Variants in SPATA1 observed in about 807,000 individuals in gnomAD.
SPATA1 encodes the protein spermatogenesis associated 1.
In SPATA1, 57 loss-of-function variants were observed where a neutral mutation model predicts 59.6. The ratio of observed to expected loss-of-function variants is 0.96; its 90% CI spans 0.77 to 1.19. The LOEUF is 1.19. SPATA1 is among the 50% of genes most tolerant of loss of function. The pLI is 0.00. For synonymous variants in SPATA1, 147 were observed against 163.9 expected (o/e 0.90, Z 0.79); for missense variants, 448 against 480.7 (o/e 0.93, Z 0.64).
At position 84,532,983 on chromosome 1, in the gene SPATA1, T is replaced by C; in HGVS notation, c.659+9T>C. On this transcript the variant is annotated intron_variant, in intron 7 of 12. Transcript: ENST00000490879. ...TTTGGCACTAAAAAAAGGTAATTAGTATAGATGCTGATTCCACATGCCATA... is the reference window on the plus strand; with the variant it reads ...TTTGGCACTAAAAAAAGGTAATTAGCATAGATGCTGATTCCACATGCCATA... 2.0e-6 allele frequency: 3 copies of C among 1,510,732 alleles called. No homozygotes were observed. The highest frequency in any genetic ancestry group is 1.8e-6 in the Non-Finnish European group (2 of 1,111,582). The allele number at this position is 1,510,732 out of a possible 1,614,324, so 93.6% of individuals were successfully genotyped here. A position where few individuals can be genotyped will look rare whatever the true frequency, so the allele number is the denominator to read the frequency against.
rs529155625 is a variant in SPATA1, at chr1:84,554,094, T to C, written c.*970T>C. On this transcript the variant is annotated 3_prime_UTR_variant, in exon 13 of 13. Coordinates refer to ENST00000490879, the Ensembl canonical transcript of SPATA1. ...GAGTTGGAGACCCATCTGGACAACA[T>C]AGCGAGACCCTGTCTCTACAAAAAA... 3 of 152,142 alleles carry C rather than the reference T, an allele frequency of 2.0e-5. No homozygotes were observed. The East Asian group carries it at 5.8e-4, about 29-fold the overall frequency. The allele number at this position is 152,142 out of a possible 1,614,324, so 9.4% of individuals were successfully genotyped here.
chr1:84,554,989 CA>C (rs1229220877), downstream of SPATA1: 82 of 1,610,298 alleles, frequency 5.1e-5, no homozygotes, highest in Non-Finnish European at 6.9e-5. Context: ...AATGGTTTGA[CA>C]AAAGATGTTC....
At chr1:84,516,769 T>C (rs908888461) in intron 2 of SPATA1, among the ~76,000 whole-genome samples, 4 of 152,156 alleles carry the variant, frequency 2.6e-5, no homozygotes, top group African/African-American at 9.7e-5. Context: ...ACAACAAACA[T>C]GGTTAATGCA....
chr1:84,539,828 G>C (rs1388739122), intron 8 of SPATA1, among the ~76,000 whole-genome samples: 1 of 152,006 alleles, frequency 6.6e-6, no homozygotes, highest in Non-Finnish European at 1.5e-5. Flanking sequence ...GACTGAGAAT[G>C]GTATGTTAGA....
chr1:84,563,952 A>T, intron 4 of SPATA1: 2 of 1,096,932 alleles, frequency 1.8e-6, no homozygotes, highest in Non-Finnish European at 2.4e-6. Flanking sequence ...AAAAACACTA[A>T]TATTGTTTAA....
chr1:84,545,175 C>T (rs1684045765), intron 9 of SPATA1, among the ~76,000 whole-genome samples: 1 of 150,444 alleles, frequency 6.6e-6, no homozygotes, highest in Admixed American at 6.6e-5. Flanking sequence ...CAGTATTGCA[C>T]CACTACACTC....
chr1:84,534,145 A>C (rs1683584126), intron 8 of SPATA1, among the ~76,000 whole-genome samples: 1 of 152,102 alleles, frequency 6.6e-6, no homozygotes, highest in Non-Finnish European at 1.5e-5. Flanking sequence ...GCAGTATAGT[A>C]GTAAATTGTT....
intron 2 of SPATA1, among the ~76,000 whole-genome samples, chr1:84,519,627 C>T (rs1025537988): frequency 4.0e-5 from 6 of 151,898 alleles, no homozygotes; most frequent in African/African-American, 9.7e-5. Context: ...CAAAATGCAA[C>T]GTATAGAAAA....
intron 4 of SPATA1, among the ~76,000 whole-genome samples, chr1:84,562,039 T>C (rs1684605657): frequency 6.6e-6 from 1 of 152,214 alleles, no homozygotes; most frequent in African/African-American, 2.4e-5. Context: ...TAACAAACCA[T>C]ATCCATGAAA....
chr1:84,517,974 T>TAA (rs201502912), intron 2 of SPATA1, among the ~76,000 whole-genome samples: 9,299 of 152,086 alleles, frequency 0.061, 379 homozygotes, highest in African/African-American at 0.11. Context: ...AGGACACCAC[T>TAA]TATGAAATAT....
chr1:84,530,853 CATT>C (rs1683438233), intron 6 of SPATA1, among the ~76,000 whole-genome samples: 1 of 152,200 alleles, frequency 6.6e-6, no homozygotes, highest in Non-Finnish European at 1.5e-5. Context: ...ATGCTTCACA[CATT>C]ATTAGTATTC....
At chr1:84,550,078 AG>A (rs1684224790) in intron 11 of SPATA1, 1 of 152,922 alleles carries the variant, frequency 6.5e-6, no homozygotes, top group Non-Finnish European at 1.5e-5. Flanking sequence ...TATAAAATAT[AG>A]TATCATATTA....
chr1:84,565,359 T>G (rs1324262819), intron 4 of SPATA1, among the ~76,000 whole-genome samples: 1 of 152,220 alleles, frequency 6.6e-6, no homozygotes, highest in African/African-American at 2.4e-5. Context: ...AATATAATTT[T>G]TAATTTATCA....
downstream of SPATA1, among the ~76,000 whole-genome samples, chr1:84,557,462 G>A (rs1415197092): frequency 1.3e-5 from 2 of 150,782 alleles, no homozygotes; most frequent in East Asian, 3.9e-4. Context: ...GAACCTGGGA[G>A]GCGGAGGGCG....
At chr1:84,536,544 T>C (rs551123092) in intron 8 of SPATA1, among the ~76,000 whole-genome samples, 65 of 152,248 alleles carry the variant, frequency 4.3e-4, no homozygotes, top group African/African-American at 1.2e-3. Flanking sequence ...CCCGGGTGCA[T>C]GCCATTCTCC....
chr1:84,515,648 GTATCA>G (rs1314406070), intron 1 of SPATA1, among the ~76,000 whole-genome samples: 1 of 151,770 alleles, frequency 6.6e-6, no homozygotes, highest in Admixed American at 6.6e-5. Context: ...ATTTTTAATT[GTATCA>G]TACATTCTTG....
chr1:84,556,040 G>GTA (rs1414231774), downstream of SPATA1: 3 of 152,310 alleles, frequency 2.0e-5, no homozygotes, highest in Admixed American at 6.5e-5. Context: ...CATTCTCAGA[G>GTA]TCTGTTAGGT....
chr1:84,531,905 ATTC>A (rs1209169852), intron 6 of SPATA1, among the ~76,000 whole-genome samples: 1 of 152,176 alleles, frequency 6.6e-6, no homozygotes, highest in Non-Finnish European at 1.5e-5. Context: ...TGGCTCACTT[ATTC>A]TTTTATGAAT....
At chr1:84,554,934 T>A (rs1311134621), downstream of SPATA1, 28 of 1,269,356 alleles carry the variant, frequency 2.2e-5, no homozygotes, top group Non-Finnish European at 2.9e-5. Flanking sequence ...ATAATAAAAA[T>A]GCAAGAAACT....
Sources: gnomAD v4.1 joint callset for allele counts (sites outside exome capture counted in the v4.1 genomes callset) on GRCh38, gnomAD v4.1.1 for gene constraint, MANE v1.5 for transcripts, NCBI Gene and HGNC (gene_info 2026-07-23, HGNC 2026-07-21) for gene names.